The following ACSL3 variants were observed in gnomAD, a reference collection of about 807,000 sequenced individuals.
ACSL3 encodes the protein fatty acid CoA ligase Acsl3.
In ACSL3, 34 loss-of-function variants were observed where a neutral mutation model predicts 84.7. The observed-to-expected ratio is 0.40, with a 90% confidence interval of 0.31 to 0.53. The LOEUF is 0.53. ACSL3 is among the 20% of genes least tolerant of loss of function. The probability of loss-of-function intolerance (pLI) is 0.48; values close to 1 mark genes in which losing one functional copy is unlikely to be tolerated. For missense variants in ACSL3, 680 were observed against 873.1 expected, an observed-to-expected ratio of 0.78 and a Z score of 2.79; for synonymous variants, 315 against 299.4, an observed-to-expected ratio of 1.05 and a Z score of -0.54.
At chr2:222,876,336 GTT>G in intron 1 of ACSL3, among the ~76,000 whole-genome samples, 1 of 149,992 alleles carries the variant, frequency 6.7e-6, no homozygotes, top group African/African-American at 2.4e-5. Flanking sequence ...TTGTTTTTTT[GTT>G]TTTTTTTGAG....
chr2:222,893,697 T>G (rs1482414053), intron 2 of ACSL3, among the ~76,000 whole-genome samples: 1 of 151,980 alleles, frequency 6.6e-6, no homozygotes, highest in Non-Finnish European at 1.5e-5. Flanking sequence ...TTCTTCCTTC[T>G]CTCTTCTCTT....
chr2:222,916,953 G>A (rs772664478), intron 5 of ACSL3, among the ~76,000 whole-genome samples: 2 of 152,046 alleles, frequency 1.3e-5, no homozygotes, highest in African/African-American at 2.4e-5. Context: ...GGCTCAGTCT[G>A]TGAGATAGTT....
At chr2:222,872,282 G>A (rs1386344699) in intron 1 of ACSL3, among the ~76,000 whole-genome samples, 1 of 151,820 alleles carries the variant, frequency 6.6e-6, no homozygotes, top group Non-Finnish European at 1.5e-5. Context: ...CCACCACCAC[G>A]CCCGGCTAAT....
rs138226867 is a variant in ACSL3, at chr2:222,878,118, G to T, written c.-206-9712G>T. ...TTGTTGAATGAATGAATCAGTCTCT[G>T]CATCCCTGCCACCTAGCACAGTAAT... On this transcript the variant is annotated intron_variant, in intron 1 of 16. Transcript: ENST00000357430. Among the ~76,000 whole-genome samples the T allele has an allele frequency of 1.6e-3, 244 of 152,274 alleles. 1 individual carries two copies. The highest frequency in any genetic ancestry group is 5.5e-3 in the African/African-American group (229 of 41,546).
intron 1 of ACSL3, among the ~76,000 whole-genome samples, chr2:222,868,071 C>G (rs1695202297): frequency 1.3e-5 from 2 of 151,882 alleles, no homozygotes; most frequent in Non-Finnish European, 2.9e-5. Context: ...TAATTCCATG[C>G]ATGACTGCAG....
chr2:222,891,683 T>C (rs1695848408), intron 2 of ACSL3, among the ~76,000 whole-genome samples: 1 of 152,184 alleles, frequency 6.6e-6, no homozygotes, highest in Non-Finnish European at 1.5e-5. Flanking sequence ...AAAATTACAC[T>C]GGATAACTGA....
intron 1 of ACSL3, among the ~76,000 whole-genome samples, chr2:222,872,373 G>T (rs1362225639): frequency 6.6e-6 from 1 of 152,144 alleles, no homozygotes; most frequent in African/African-American, 2.4e-5. Context: ...TGATCCTCCT[G>T]CCTCGGTCTT....
At chr2:222,885,669 T>C (rs1170773330) in intron 1 of ACSL3, among the ~76,000 whole-genome samples, 5 of 152,182 alleles carry the variant, frequency 3.3e-5, no homozygotes, top group African/African-American at 9.7e-5. Context: ...GATGAATAGA[T>C]GCATGACCTT....
At chr2:222,878,600 C>G (rs1356295070) in intron 1 of ACSL3, among the ~76,000 whole-genome samples, 2 of 152,110 alleles carry the variant, frequency 1.3e-5, no homozygotes, top group African/African-American at 2.4e-5. Flanking sequence ...ATTCTGTGTT[C>G]TATGAATAGA....
rs531866665 is a variant in ACSL3 at position 222,934,592 on chromosome 2, G to T, written c.1910G>T (p.Arg637Leu). The stretch of plus-strand genomic sequence containing the variant: ...CAAAAGGAACTAACTGAACTAGCTC[G>T]AAAGAAAGGACTTAAAGGGACTTGG... ...PNQKELTELA[R>L]KKGLKGTWEE... Residue 637 changes from arginine (R) to leucine (L), a missense_variant, in exon 16 of 17, where the codon CGA becomes CTA. Physicochemically the swap from Arg to Leu is moderately radical, Grantham distance 102 (BLOSUM62 -2). Transcript: ENST00000357430. 1.9e-6 allele frequency: 3 copies of T among 1,603,812 alleles called. No individual in the cohort carries two copies. Among genetic ancestry groups the T allele is most frequent in the African/African-American group, 2.7e-5 (2 of 74,736 alleles).
chr2:222,916,303 TTTTTTG>T lies in ACSL3; in HGVS notation c.379-11_379-6del. 6.8e-7 allele frequency: 1 copy of T among 1,473,926 alleles called. No homozygotes were observed. The highest frequency in any genetic ancestry group is 9.1e-7 in the Non-Finnish European group (1 of 1,104,668). 91.3% of individuals were successfully genotyped at this position (1,473,926 alleles called of 1,614,324 possible). A position where few individuals can be genotyped will look rare whatever the true frequency, so the allele number is the denominator to read the frequency against. ...TATTTTGATTACATTAAAAAAATTT[TTTTTTG>T]TTTTATCAGGTTATTCTTGGACAGT... On this transcript the variant is annotated splice_polypyrimidine_tract_variant and intron_variant, in intron 4 of 16. Transcript: ENST00000357430.
chr2:222,929,051 T>G (rs1696954600), intron 13 of ACSL3, 115 bp downstream of exon 13: 1 of 748,724 alleles, frequency 1.3e-6, no homozygotes, highest in Admixed American at 2.8e-5. Flanking sequence ...TTTTTGTCCT[T>G]TGTGATAGAC....
At position 222,943,775 on chromosome 2, in the gene ACSL3, C is replaced by T. The variant is rs1281569539; in HGVS notation, c.*2121C>T. On this transcript the variant is annotated 3_prime_UTR_variant, in exon 17 of 17. Transcript: ENST00000357430. Reference sequence around the variant, plus strand: ...AAAAATAATATCCTCTAAAATTACCCTTTCAAGAGGAAAAAACTGTTCAAT... The same window carrying T: ...AAAAATAATATCCTCTAAAATTACCTTTTCAAGAGGAAAAAACTGTTCAAT... 1 of 152,046 alleles carries T rather than the reference C, an allele frequency of 6.6e-6. No homozygotes were observed. Among genetic ancestry groups the T allele is most frequent in the African/African-American group, 2.4e-5 (1 of 41,424 alleles). 9.4% of individuals were successfully genotyped at this position (152,046 alleles called of 1,614,324 possible).
chr2:222,941,450 A>G (rs1697304362), intron 16 of ACSL3, 47 bp from the exon 17 acceptor site: 1 of 1,515,408 alleles, frequency 6.6e-7, no homozygotes, highest in Non-Finnish European at 8.9e-7. Flanking sequence ...CCATTTGCTA[A>G]GAACTTAAAT....
intron 1 of ACSL3, among the ~76,000 whole-genome samples, chr2:222,874,425 T>C (rs1235175853): frequency 9.9e-5 from 15 of 152,224 alleles, no homozygotes; most frequent in Admixed American, 9.8e-4. Flanking sequence ...GCACAGTGGC[T>C]AACGTCTATA....
intron 1 of ACSL3, among the ~76,000 whole-genome samples, chr2:222,886,938 A>G (rs1391305240): frequency 6.6e-6 from 1 of 152,216 alleles, no homozygotes. Context: ...TATCACCCAG[A>G]GTCCATAGTT....
intron 3 of ACSL3, among the ~76,000 whole-genome samples, chr2:222,901,679 G>A (rs7596551): frequency 0.37 from 56,845 of 151,906 alleles, 11,633 homozygotes; most frequent in East Asian, 0.77. Context: ...GGGCATGGTG[G>A]CCCACGCCTG....
At chr2:222,903,709 C>G (rs1296279238) in intron 3 of ACSL3, among the ~76,000 whole-genome samples, 5 of 152,098 alleles carry the variant, frequency 3.3e-5, no homozygotes, top group Non-Finnish European at 7.4e-5. Flanking sequence ...TCCAGTTTGC[C>G]CAACATGCTT....
chr2:222,874,822 A>G (rs1695404782), intron 1 of ACSL3, among the ~76,000 whole-genome samples: 1 of 152,072 alleles, frequency 6.6e-6, no homozygotes, highest in Non-Finnish European at 1.5e-5. Context: ...ATAGATTTAC[A>G]GTTTTTAAAT....
Sources: allele counts gnomAD v4.1 joint callset (sites outside exome capture counted in the v4.1 genomes callset), GRCh38; gene constraint gnomAD v4.1.1; transcripts MANE v1.5; gene names NCBI Gene and HGNC (gene_info 2026-07-23, HGNC 2026-07-21).